The following TNPO1 variants were observed in gnomAD, a reference collection of about 807,000 sequenced individuals.
TNPO1 encodes transportin 1, also known as transportin-1.
TNPO1 carries 8 observed loss-of-function variants against 119.5 expected under a neutral mutation model. The ratio of observed to expected loss-of-function variants is 0.07; its 90% CI spans 0.04 to 0.12. The LOEUF is 0.12. Among genes scored for constraint, TNPO1 ranks in the 10% least tolerant of loss-of-function variants. The pLI is 1.00. For missense variants in TNPO1, 576 were observed against 1,089.8 expected (o/e 0.53, Z 6.64); for synonymous variants, 362 against 363.0 (o/e 1.00, Z 0.03).
At chr5:72,888,647 AC>A (rs1003449496) in intron 13 of TNPO1, among the ~76,000 whole-genome samples, 5 of 152,168 alleles carry the variant, frequency 3.3e-5, no homozygotes, top group African/African-American at 1.2e-4. Context: ...TTATAACAGA[AC>A]TATCTTACAC....
At chr5:72,874,041 A>G (rs1421516083) in intron 7 of TNPO1, among the ~76,000 whole-genome samples, 1 of 152,158 alleles carries the variant, frequency 6.6e-6, no homozygotes, top group African/African-American at 2.4e-5. Flanking sequence ...ATGAAATTGA[A>G]TTATCTCTGA....
rs1033239153 is a variant in TNPO1, at chr5:72,907,926, T to C, written c.*36-783T>C. 3.9e-5 allele frequency among the ~76,000 whole-genome samples: 6 copies of C among 151,948 alleles called. No individual in the cohort carries two copies. The East Asian group carries it at 1.2e-3, about 29-fold the overall frequency. ...AAAATGAGCTGGGCATGGTGGTATGTACCTATGGTCCCAGCTACTCAGGAG... is the reference window on the plus strand; with the variant it reads ...AAAATGAGCTGGGCATGGTGGTATGCACCTATGGTCCCAGCTACTCAGGAG... On this transcript the variant is annotated intron_variant, in intron 24 of 24. Coordinates refer to ENST00000337273, the MANE Select transcript of TNPO1 (RefSeq NM_002270.4).
rs191625222 is a variant in TNPO1, at chr5:72,889,924, A to G, written c.1668A>G (p.Leu556=). The stretch of plus-strand genomic sequence containing the variant: ...TTCTTTACGATGCCATAGGAACATT[A>G]GCAGATTCAGTAGGACATCATTTAA... ...LLILYDAIGT[L]ADSVGHHLNK... Residue 556 remains leucine, a synonymous_variant, in exon 14 of 25, where the codon TTA becomes TTG. Transcript: ENST00000337273. 7.0e-5 allele frequency: 113 copies of G among 1,613,590 alleles called. 1 individual carries two copies. The East Asian group carries it at 2.5e-3, about 35-fold the overall frequency.
chr5:72,896,274 A>G (rs964604076), intron 18 of TNPO1, among the ~76,000 whole-genome samples, 184 bp from the exon 19 acceptor site: 7 of 152,202 alleles, frequency 4.6e-5, no homozygotes, highest in African/African-American at 1.7e-4. Context: ...CCTTTAAAAA[A>G]TATTTTTAAA....
intron 1 of TNPO1, chr5:72,848,096 T>C (rs1262800890): frequency 1.8e-6 from 2 of 1,120,932 alleles, no homozygotes; most frequent in Non-Finnish European, 2.2e-6. Context: ...GAGCGGATCT[T>C]GGGGCCAGAT....
At chr5:72,838,691 G>A (rs1744795806) in intron 1 of TNPO1, among the ~76,000 whole-genome samples, 1 of 152,124 alleles carries the variant, frequency 6.6e-6, no homozygotes, top group African/African-American at 2.4e-5. Context: ...TGTATAATCA[G>A]CGTAGAGCAG....
intron 3 of TNPO1, among the ~76,000 whole-genome samples, chr5:72,854,992 A>G (rs1406996018): frequency 6.6e-6 from 1 of 152,108 alleles, no homozygotes; most frequent in Non-Finnish European, 1.5e-5. Flanking sequence ...TGATTTCAAA[A>G]AATTTTTTTT....
At chr5:72,834,941 A>T (rs1195379457) in intron 1 of TNPO1, among the ~76,000 whole-genome samples, 1 of 152,000 alleles carries the variant, frequency 6.6e-6, no homozygotes, top group Admixed American at 6.5e-5. Flanking sequence ...TTGTATGTTT[A>T]CATATGTGTA....
At chr5:72,823,279 A>G (rs1402513389) in intron 1 of TNPO1, among the ~76,000 whole-genome samples, 1 of 152,002 alleles carries the variant, frequency 6.6e-6, no homozygotes, top group African/African-American at 2.4e-5. Context: ...TTATGTCATA[A>G]AGGCCCACTG....
At chr5:72,891,743 A>G (rs1468128817) in intron 14 of TNPO1, 67 bp from the exon 15 acceptor site, 3 of 1,162,392 alleles carry the variant, frequency 2.6e-6, no homozygotes, top group Non-Finnish European at 3.7e-6. Context: ...TTAATTTTCA[A>G]AGACTCAAAA....
At position 72,889,771 on chromosome 5, in the gene TNPO1, T is replaced by G. The variant is rs1484762936; in HGVS notation, c.1530-15T>G. 3 of 1,564,720 alleles carry G rather than the reference T, an allele frequency of 1.9e-6. No homozygotes were observed. Among genetic ancestry groups the G allele is most frequent in the Admixed American group, 2.2e-5 (1 of 46,382 alleles). On this transcript the variant is annotated splice_polypyrimidine_tract_variant and intron_variant, in intron 13 of 24. Coordinates refer to ENST00000337273, the MANE Select transcript of TNPO1 (RefSeq NM_002270.4). Reference sequence around the variant, plus strand: ...TTACAGTCAATAAGTATTCTTTTTTTTTTTTTTTAAACAGTGCCTTTGCTA... The same window carrying G: ...TTACAGTCAATAAGTATTCTTTTTTGTTTTTTTTAAACAGTGCCTTTGCTA...
intron 6 of TNPO1, among the ~76,000 whole-genome samples, chr5:72,867,876 ATTTT>A: frequency 6.6e-6 from 1 of 152,290 alleles, no homozygotes; most frequent in South Asian, 2.1e-4. Flanking sequence ...CAATTAGCAT[ATTTT>A]TTAAGTGTTG....
rs772375830 is a variant in TNPO1 at position 72,905,445 on chromosome 5, G to A, written c.*35G>A. The A allele has an allele frequency of 1.4e-6, 2 of 1,471,956 alleles. No homozygotes were observed. Among genetic ancestry groups the A allele is most frequent in the Non-Finnish European group, 1.9e-6 (2 of 1,073,682 alleles). The allele number at this position is 1,471,956 out of a possible 1,614,324, so 91.2% of individuals were successfully genotyped here. A position where few individuals can be genotyped will look rare whatever the true frequency, so the allele number is the denominator to read the frequency against. ...CTTAAGCTGCAGTCCCAAAATTAGG[G>A]GTAAGTTATAAGAAGTTTGGAAATT... is the stretch of plus-strand genomic sequence containing the variant. On this transcript the variant is annotated splice_region_variant and 3_prime_UTR_variant, in exon 24 of 25. Coordinates refer to ENST00000337273, the MANE Select transcript of TNPO1 (RefSeq NM_002270.4).
chr5:72,819,613 C>T (rs968343968), intron 1 of TNPO1, among the ~76,000 whole-genome samples: 3 of 151,994 alleles, frequency 2.0e-5, no homozygotes, highest in Non-Finnish European at 2.9e-5. Flanking sequence ...CATGCCAGAG[C>T]GAATATTACA....
At chr5:72,838,797 G>A (rs555608417) in intron 1 of TNPO1, among the ~76,000 whole-genome samples, 2 of 152,094 alleles carry the variant, frequency 1.3e-5, no homozygotes, top group Admixed American at 6.5e-5. Context: ...AGAAACATTC[G>A]ACCAGAAATA....
At chr5:72,868,902 G>A (rs1283234927) in intron 6 of TNPO1, among the ~76,000 whole-genome samples, 2 of 152,172 alleles carry the variant, frequency 1.3e-5, no homozygotes, top group East Asian at 3.9e-4. Flanking sequence ...TAGCTACTCG[G>A]GAGGCTGAGG....
chr5:72,887,801 A>G (rs1053666378), intron 12 of TNPO1, among the ~76,000 whole-genome samples: 2 of 152,228 alleles, frequency 1.3e-5, no homozygotes, highest in African/African-American at 4.8e-5. Context: ...AGGAAACACA[A>G]TAAGGCAAGA....
intron 4 of TNPO1, among the ~76,000 whole-genome samples, chr5:72,859,612 C>T (rs535899519): frequency 6.6e-6 from 1 of 152,132 alleles, no homozygotes; most frequent in Non-Finnish European, 1.5e-5. Context: ...ATCTGAATGA[C>T]TGTGGGGTAA....
chr5:72,879,923 C>T (rs1013891661), intron 9 of TNPO1, among the ~76,000 whole-genome samples: 4 of 152,186 alleles, frequency 2.6e-5, no homozygotes, highest in African/African-American at 9.7e-5. Flanking sequence ...CACAGTGACT[C>T]ATGCCTGTAA....
Sources: allele counts gnomAD v4.1 joint callset (sites outside exome capture counted in the v4.1 genomes callset), GRCh38; gene constraint gnomAD v4.1.1; transcripts MANE v1.5; gene names NCBI Gene and HGNC (gene_info 2026-07-23, HGNC 2026-07-21).